Variants in GRIA3 observed in about 807,000 individuals in gnomAD.
GRIA3 encodes the protein glutamate receptor 3.
In GRIA3, 3 loss-of-function variants were observed where a neutral mutation model predicts 63.0. The ratio of observed to expected loss-of-function variants is 0.05; its 90% CI spans 0.02 to 0.12. The LOEUF (loss-of-function observed/expected upper bound fraction) is 0.12. Among genes scored for constraint, GRIA3 ranks in the 10% least tolerant of loss-of-function variants. GRIA3 has a pLI of 1.00. For missense variants in GRIA3, 347 were observed against 700.9 expected, an observed-to-expected ratio of 0.50 and a Z score of 5.70; for synonymous variants, 274 against 257.9, an observed-to-expected ratio of 1.06 and a Z score of -0.60.
At chrX:123,440,259 A>G (rs2045666556) in intron 12 of GRIA3, among the ~76,000 whole-genome samples, 1 of 112,380 alleles carries the variant, frequency 8.9e-6, no homozygotes, top group Non-Finnish European at 1.9e-5. Flanking sequence ...GTAAACATTC[A>G]TGTTCATGTG....
intron 3 of GRIA3, among the ~76,000 whole-genome samples, chrX:123,276,578 G>A (rs182613675): frequency 1.8e-5 from 2 of 111,902 alleles, no homozygotes; most frequent in African/African-American, 3.2e-5. Flanking sequence ...TGATCTAGGC[G>A]GTGTTACTGT....
intron 2 of GRIA3, among the ~76,000 whole-genome samples, chrX:123,245,164 T>A (rs2044351097): frequency 8.9e-6 from 1 of 112,145 alleles, no homozygotes; most frequent in Admixed American, 9.4e-5. Flanking sequence ...ACAAAGGCAA[T>A]CATGATCCTT....
rs148195207 is a variant in GRIA3, at chrX:123,319,990, A to G, written c.509-6036A>G. 2.6e-3 allele frequency among the ~76,000 whole-genome samples: 286 copies of G among 112,123 alleles called. 1 individual carries two copies. The highest frequency in any genetic ancestry group is 8.5e-3 in the African/African-American group (264 of 30,881). On this transcript the variant is annotated intron_variant, in intron 3 of 15. Transcript: ENST00000620443. ...AGAAATCATTATTTTATTGCTCCAGAGTAAGCCTTGGCCATCCATTTTTCA... is the reference window on the plus strand; with the variant it reads ...AGAAATCATTATTTTATTGCTCCAGGGTAAGCCTTGGCCATCCATTTTTCA...
intron 3 of GRIA3, among the ~76,000 whole-genome samples, chrX:123,259,979 G>T (rs1033316985): frequency 5.4e-5 from 6 of 111,275 alleles, no homozygotes; most frequent in Non-Finnish European, 1.1e-4. Flanking sequence ...TTAAGGCATG[G>T]TATCCACAAA....
intron 5 of GRIA3, among the ~76,000 whole-genome samples, chrX:123,360,464 C>T (rs1437621977): frequency 1.0e-5 from 1 of 99,122 alleles, no homozygotes; most frequent in African/African-American, 3.8e-5. Flanking sequence ...GGGTGGATCA[C>T]GAGGTCAGCA....
At chrX:123,330,252 T>C (rs757049804) in intron 4 of GRIA3, among the ~76,000 whole-genome samples, 23 of 112,073 alleles carry the variant, frequency 2.1e-4, no homozygotes, top group Non-Finnish European at 3.6e-4. Flanking sequence ...GCAGATAGGT[T>C]TTATCCCAAA....
intron 12 of GRIA3, among the ~76,000 whole-genome samples, chrX:123,463,788 GAGAA>G (rs1472884838): frequency 2.7e-4 from 29 of 105,776 alleles, no homozygotes; most frequent in Admixed American, 2.7e-3. Flanking sequence ...GAAAAAGAAA[GAGAA>G]AGAAAGAAGA....
intron 12 of GRIA3, among the ~76,000 whole-genome samples, chrX:123,440,394 C>A (rs1297263716): frequency 8.9e-6 from 1 of 112,378 alleles, no homozygotes; most frequent in African/African-American, 3.2e-5. Flanking sequence ...AATGGTTGAA[C>A]TAATTTACAC....
chrX:123,452,384 G>A (rs2045737897), intron 12 of GRIA3, among the ~76,000 whole-genome samples: 1 of 109,952 alleles, frequency 9.1e-6, no homozygotes, highest in Non-Finnish European at 1.9e-5. Context: ...ACTCTAAATG[G>A]AAAATTTGGG....
At chrX:123,291,495 C>G (rs1178601239) in intron 3 of GRIA3, among the ~76,000 whole-genome samples, 2 of 110,659 alleles carry the variant, frequency 1.8e-5, no homozygotes, top group Non-Finnish European at 3.8e-5. Flanking sequence ...AGCAATCATA[C>G]CCCAAGCTTC....
intron 3 of GRIA3, among the ~76,000 whole-genome samples, chrX:123,321,918 T>C (rs1364499352): frequency 9.0e-6 from 1 of 111,700 alleles, no homozygotes; most frequent in Non-Finnish European, 1.9e-5. Context: ...GAAGCTAGGA[T>C]GACTTGCCCT....
At chrX:123,485,399 C>T (rs2045935207) in intron 15 of GRIA3, among the ~76,000 whole-genome samples, 2 of 111,851 alleles carry the variant, frequency 1.8e-5, no homozygotes, top group Non-Finnish European at 3.8e-5. Flanking sequence ...CTCAAGGCAA[C>T]ACAGTTAGGT....
chrX:123,362,328 C>T (rs111807788), intron 5 of GRIA3, among the ~76,000 whole-genome samples: 82 of 111,327 alleles, frequency 7.4e-4, no homozygotes, highest in African/African-American at 2.5e-3. Context: ...AAGTCAATAC[C>T]GTGGAAGTCT....
intron 5 of GRIA3, among the ~76,000 whole-genome samples, chrX:123,381,440 G>T (rs767221279): frequency 6.3e-5 from 7 of 111,491 alleles, no homozygotes; most frequent in African/African-American, 2.0e-4. Flanking sequence ...ACATTGGTTT[G>T]GGGGGACCAT....
intron 12 of GRIA3, among the ~76,000 whole-genome samples, chrX:123,435,521 A>T (rs2045639384): frequency 8.9e-6 from 1 of 112,110 alleles, no homozygotes; most frequent in African/African-American, 3.2e-5. Flanking sequence ...CTAATGCAGC[A>T]CATGTTAAGG....
At chrX:123,470,749 A>T (rs1457341639) in intron 13 of GRIA3, among the ~76,000 whole-genome samples, 1 of 111,816 alleles carries the variant, frequency 8.9e-6, no homozygotes, top group Non-Finnish European at 1.9e-5. Context: ...CTCCTATGCC[A>T]CCGTCTCTTA....
intron 3 of GRIA3, among the ~76,000 whole-genome samples, chrX:123,268,795 T>A (rs763485574): frequency 1.1e-4 from 12 of 111,959 alleles, no homozygotes; most frequent in Non-Finnish European, 2.3e-4. Flanking sequence ...CCCAGATTTA[T>A]CGCGTTAAGC....
chrX:123,379,634 T>C (rs2045309143), intron 5 of GRIA3, among the ~76,000 whole-genome samples: 1 of 107,531 alleles, frequency 9.3e-6, no homozygotes, highest in Non-Finnish European at 1.9e-5. Context: ...TTTTTTTTTT[T>C]TTTTTGTAAA....
intron 11 of GRIA3, among the ~76,000 whole-genome samples, chrX:123,424,167 G>A (rs1569434458): frequency 1.8e-5 from 2 of 112,020 alleles, no homozygotes; most frequent in African/African-American, 6.5e-5. Flanking sequence ...CTGCATTAAT[G>A]GAGGGAAAGA....
Sources: gnomAD v4.1 joint callset for allele counts (sites outside exome capture counted in the v4.1 genomes callset) on GRCh38, gnomAD v4.1.1 for gene constraint, MANE v1.5 for transcripts, NCBI Gene and HGNC (gene_info 2026-07-23, HGNC 2026-07-21) for gene names.